PRKCA: variants seen among roughly 807,000 people sequenced by gnomAD.
The protein encoded by PRKCA is protein kinase C alpha.
In PRKCA, 27 loss-of-function variants were observed where a neutral mutation model predicts 87.0. The ratio of observed to expected loss-of-function variants is 0.31; its 90% confidence interval spans 0.23 to 0.43. PRKCA has a LOEUF of 0.43. PRKCA is among the 20% of genes least tolerant of loss of function. PRKCA has a pLI of 1.00. For synonymous variants in PRKCA, 329 were observed against 311.1 expected (o/e 1.06, Z -0.61); for missense variants, 518 against 852.3 (o/e 0.61, Z 4.88).
At chr17:66,437,731 TGA>T (rs1913479643) in intron 2 of PRKCA, among the ~76,000 whole-genome samples, 6 of 11,154 alleles carry the variant, frequency 5.4e-4, no homozygotes, top group Admixed American at 1.4e-3. Flanking sequence ...TTTTTTTTTT[TGA>T]GCGGGGGGTG....
rs1214375939 is a variant in PRKCA, at chr17:66,780,929, G to A, written c.1606-5938G>A. ...TCAAGACCAGCCTGGTCAACATGGT[G>A]AAACTCCATCTCTAATAAAAATATA... On this transcript the variant is annotated intron_variant, in intron 14 of 16. Transcript: ENST00000413366. 3.3e-5 allele frequency among the ~76,000 whole-genome samples: 5 copies of A among 151,384 alleles called. No individual in the cohort carries two copies. The East Asian group carries it at 9.8e-4, about 30-fold the overall frequency.
intron 3 of PRKCA, among the ~76,000 whole-genome samples, chr17:66,631,539 C>A (rs1971010962): frequency 6.6e-6 from 1 of 152,196 alleles, no homozygotes; most frequent in Non-Finnish European, 1.5e-5. Context: ...CTGCCTCAGC[C>A]TCCCAAATAG....
intron 3 of PRKCA, among the ~76,000 whole-genome samples, chr17:66,628,833 G>A (rs888336379): frequency 2.0e-5 from 3 of 152,134 alleles, no homozygotes; most frequent in Non-Finnish European, 4.4e-5. Flanking sequence ...TTCGAGACCA[G>A]CCTGACCACA....
At chr17:66,307,613 A>G (rs1904888851) in intron 2 of PRKCA, among the ~76,000 whole-genome samples, 1 of 152,190 alleles carries the variant, frequency 6.6e-6, no homozygotes, top group African/African-American at 2.4e-5. Flanking sequence ...AAGGTTGATT[A>G]GAATAAGGTT....
At chr17:66,667,313 C>T (rs1055305170) in intron 5 of PRKCA, among the ~76,000 whole-genome samples, 1 of 152,156 alleles carries the variant, frequency 6.6e-6, no homozygotes, top group African/African-American at 2.4e-5. Flanking sequence ...CGTTCTTACA[C>T]TGCTAATAAA....
At chr17:66,483,450 A>G (rs1215070321) in intron 2 of PRKCA, among the ~76,000 whole-genome samples, 1 of 97,176 alleles carries the variant, frequency 1.0e-5, no homozygotes, top group African/African-American at 3.4e-5. Context: ...CCTTGCCTTT[A>G]TTTTTATTTT....
rs1340612850 is a variant in PRKCA at position 66,549,036 on chromosome 17, G to C, written c.288+52753G>C. Reference sequence around the variant, plus strand: ...TGACAGGCTGGTTTCAAACTCCTGGGCTCAAGTGACCCGCCTGTCTTGACC... The same window carrying C: ...TGACAGGCTGGTTTCAAACTCCTGGCCTCAAGTGACCCGCCTGTCTTGACC... On this transcript the variant is annotated intron_variant, in intron 3 of 16. Transcript: ENST00000413366. 2.0e-5 allele frequency among the ~76,000 whole-genome samples: 3 copies of C among 151,936 alleles called. No individual in the cohort carries two copies. In the South Asian group the frequency reaches 6.2e-4, roughly 32 times the overall value.
At chr17:66,560,655 A>G (rs1957782010) in intron 3 of PRKCA, among the ~76,000 whole-genome samples, 1 of 152,126 alleles carries the variant, frequency 6.6e-6, no homozygotes, top group African/African-American at 2.4e-5. Flanking sequence ...TGTACCAAAC[A>G]CTTTGTAAGC....
At chr17:66,404,573 C>T (rs1283786332) in intron 2 of PRKCA, among the ~76,000 whole-genome samples, 1 of 151,972 alleles carries the variant, frequency 6.6e-6, no homozygotes, top group African/African-American at 2.4e-5. Context: ...TTAGCAATAA[C>T]GTTTGAGAAT....
At chr17:66,608,683 C>G (rs935572405) in intron 3 of PRKCA, among the ~76,000 whole-genome samples, 1 of 152,122 alleles carries the variant, frequency 6.6e-6, no homozygotes, top group African/African-American at 2.4e-5. Context: ...GAATGAGACA[C>G]CCACGGAGTA....
intron 11 of PRKCA, among the ~76,000 whole-genome samples, chr17:66,740,223 C>T (rs1319200384): frequency 6.6e-6 from 1 of 151,900 alleles, no homozygotes; most frequent in Admixed American, 6.6e-5. Flanking sequence ...ATGCGGGAGT[C>T]GGCAGCACAG....
intron 9 of PRKCA, among the ~76,000 whole-genome samples, chr17:66,733,297 C>T (rs1568002445): frequency 1.3e-5 from 2 of 152,080 alleles, no homozygotes; most frequent in Non-Finnish European, 2.9e-5. Flanking sequence ...ATGAAGGTGC[C>T]CTCTCTTTGA....
At chr17:66,326,297 G>A (rs1905976713) in intron 2 of PRKCA, among the ~76,000 whole-genome samples, 1 of 152,080 alleles carries the variant, frequency 6.6e-6, no homozygotes, top group Admixed American at 6.6e-5. Flanking sequence ...ATTTCTCCGT[G>A]GGTTTGCATA....
chr17:66,672,030 A>T (rs1045119514), intron 5 of PRKCA, among the ~76,000 whole-genome samples: 23 of 152,374 alleles, frequency 1.5e-4, no homozygotes, highest in Non-Finnish European at 2.9e-4. Context: ...GTTAAATATA[A>T]GAAAGAAACA....
chr17:66,331,588 C>T (rs778790999), intron 2 of PRKCA, among the ~76,000 whole-genome samples: 3 of 152,082 alleles, frequency 2.0e-5, no homozygotes, highest in Admixed American at 6.6e-5. Flanking sequence ...AACCTAAGGC[C>T]GGATCTTTCA....
chr17:66,762,600 T>C (rs557558857), intron 13 of PRKCA, among the ~76,000 whole-genome samples: 1 of 152,298 alleles, frequency 6.6e-6, no homozygotes, highest in African/African-American at 2.4e-5. Context: ...GGTGTTTCAC[T>C]TCTCCCCTGC....
chr17:66,397,775 C>T (rs1910777019), intron 2 of PRKCA, among the ~76,000 whole-genome samples: 1 of 152,110 alleles, frequency 6.6e-6, no homozygotes, highest in African/African-American at 2.4e-5. Context: ...AGGGGAGTTA[C>T]TCTTAATGGT....
chr17:66,429,085 G>T (rs1003485353), intron 2 of PRKCA, among the ~76,000 whole-genome samples: 1 of 151,950 alleles, frequency 6.6e-6, no homozygotes, highest in Non-Finnish European at 1.5e-5. Flanking sequence ...AGTTTTTCAC[G>T]CTCTTCCGCC....
intron 2 of PRKCA, among the ~76,000 whole-genome samples, chr17:66,487,717 CT>C (rs1457763030): frequency 6.6e-6 from 1 of 152,158 alleles, no homozygotes; most frequent in African/African-American, 2.4e-5. Flanking sequence ...GCCATTCTAA[CT>C]GTGGTGGGAT....
Sources: gnomAD v4.1 joint callset for allele counts (sites outside exome capture counted in the v4.1 genomes callset) on GRCh38, gnomAD v4.1.1 for gene constraint, MANE v1.5 for transcripts, NCBI Gene and HGNC (gene_info 2026-07-23, HGNC 2026-07-21) for gene names.